The following HDAC4 variants were observed in gnomAD, a reference collection of about 807,000 sequenced individuals.
HDAC4 encodes histone deacetylase 4, also known as histone deacetylase A.
In HDAC4, 16 loss-of-function variants were observed where a neutral mutation model predicts 135.1. That is an observed-to-expected ratio of 0.12 (90% CI 0.08 to 0.18). The LOEUF (loss-of-function observed/expected upper bound fraction) is 0.18. Ranked by LOEUF, HDAC4 falls within the 10% of genes least tolerant of loss-of-function variation. The pLI is 1.00. For missense variants in HDAC4, 1,143 were observed against 1,511.8 expected, an observed-to-expected ratio of 0.76 and a Z score of 4.05; for synonymous variants, 685 against 653.4, an observed-to-expected ratio of 1.05 and a Z score of -0.74.
intron 2 of HDAC4, among the ~76,000 whole-genome samples, chr2:239,329,503 C>T (rs370409010): frequency 1.3e-5 from 2 of 151,432 alleles, no homozygotes; most frequent in Non-Finnish European, 2.9e-5. Flanking sequence ...CCCCTCCTCC[C>T]ACCGGGACAC....
At chr2:239,100,431 T>C (rs949815526) in intron 16 of HDAC4, among the ~76,000 whole-genome samples, 1 of 152,254 alleles carries the variant, frequency 6.6e-6, no homozygotes, top group Non-Finnish European at 1.5e-5. Flanking sequence ...GCTTTCCCCT[T>C]TTCCACTGAA....
chr2:239,317,605 G>T (rs183118970), intron 2 of HDAC4, among the ~76,000 whole-genome samples: 3 of 152,282 alleles, frequency 2.0e-5, no homozygotes, highest in East Asian at 3.9e-4. Context: ...ATAATAAAAG[G>T]TTATAACCCA....
chr2:239,124,673 GGC>G (rs2039998065), intron 12 of HDAC4, among the ~76,000 whole-genome samples: 1 of 38,694 alleles, frequency 2.6e-5, no homozygotes, highest in Non-Finnish European at 5.7e-5. Context: ...CCGGTGTGCC[GGC>G]GTGTGGCCGC....
chr2:239,096,135 A>C (rs2037005233), intron 16 of HDAC4, among the ~76,000 whole-genome samples: 1 of 152,130 alleles, frequency 6.6e-6, no homozygotes, highest in African/African-American at 2.4e-5. Flanking sequence ...GGAGTTGGCC[A>C]TAGGTCCATT....
In HDAC4 at chr2:239,317,416, G is replaced by A. The variant is rs541225051; in HGVS notation, c.22+35262C>T. Among the ~76,000 whole-genome samples the A allele has an allele frequency of 1.1e-4, 16 of 151,882 alleles. No individual in the cohort carries two copies. The South Asian group carries it at 2.9e-3, about 28-fold the overall frequency. On this transcript the variant is annotated intron_variant, in intron 2 of 26. Transcript: ENST00000543185. Reference sequence around the variant, plus strand: ...CATTCCCCGAGAAAGGAACCAGGCCGCCTTGAGAAAAAGCTGATTCCAGGC... The same window carrying A: ...CATTCCCCGAGAAAGGAACCAGGCCACCTTGAGAAAAAGCTGATTCCAGGC...
At chr2:239,143,286 A>G (rs2041529724) in intron 8 of HDAC4, among the ~76,000 whole-genome samples, 1 of 152,122 alleles carries the variant, frequency 6.6e-6, no homozygotes, top group African/African-American at 2.4e-5. Context: ...AAAAAACGCA[A>G]AGGTTCACGT....
intron 2 of HDAC4, among the ~76,000 whole-genome samples, chr2:239,267,073 G>A (rs892522227): frequency 2.6e-5 from 4 of 151,886 alleles, no homozygotes; most frequent in Admixed American, 2.6e-4. Context: ...CATGGTCTCC[G>A]CGGCAGCTGT....
chr2:239,071,337 C>T (rs1324402214), intron 22 of HDAC4, among the ~76,000 whole-genome samples: 1 of 152,134 alleles, frequency 6.6e-6, no homozygotes, highest in Non-Finnish European at 1.5e-5. Context: ...ATCGCTTGAA[C>T]CCAGGAGGCA....
intron 2 of HDAC4, among the ~76,000 whole-genome samples, chr2:239,305,872 C>T (rs1374085533): frequency 1.3e-5 from 2 of 152,220 alleles, no homozygotes; most frequent in Admixed American, 6.5e-5. Context: ...CGACTGGGAA[C>T]GAGGCTGCCG....
intron 2 of HDAC4, among the ~76,000 whole-genome samples, chr2:239,255,295 C>CTGTGTGTGTGTGTGTGTG (rs60768204): frequency 1.3e-5 from 2 of 149,594 alleles, no homozygotes; most frequent in African/African-American, 4.9e-5. Context: ...TGTTTTCTCA[C>CTGTGTGTGTGTGTGTGTG]TGTGTGTGTG....
intron 1 of HDAC4, among the ~76,000 whole-genome samples, chr2:239,380,528 GC>G (rs1398169298): frequency 6.6e-6 from 1 of 152,074 alleles, no homozygotes; most frequent in Non-Finnish European, 1.5e-5. Context: ...AGAACCACCT[GC>G]CTTTAAAAAC....
chr2:239,328,721 C>G (rs1691332027), intron 2 of HDAC4, among the ~76,000 whole-genome samples: 1 of 152,210 alleles, frequency 6.6e-6, no homozygotes, highest in South Asian at 2.1e-4. Context: ...GAGAAAAGGA[C>G]TTTGTCGGGT....
Position 239,244,638 on chromosome 2 carries a change from G to T in HDAC4, c.23-7974C>A, listed in dbSNP as rs56233693. On this transcript the variant is annotated intron_variant, in intron 2 of 26. Coordinates refer to ENST00000543185, the MANE Select transcript of HDAC4 (RefSeq NM_001378414.1). ...AAATGTCATGGCTTGGAAACAAAATGATCTACAAGGTCAGCCAAATACTCA... is the reference window on the plus strand; with the variant it reads ...AAATGTCATGGCTTGGAAACAAAATTATCTACAAGGTCAGCCAAATACTCA... Among the ~76,000 whole-genome samples the T allele has an allele frequency of 8.5e-3, 1,295 of 152,284 alleles. 11 individuals are homozygous for T. Among genetic ancestry groups the T allele is most frequent in the Non-Finnish European group, 0.013 (908 of 68,016 alleles).
intron 6 of HDAC4, 45 bp from the exon 7 acceptor site, chr2:239,156,818 T>G: frequency 6.2e-7 from 1 of 1,613,118 alleles, no homozygotes; most frequent in Non-Finnish European, 8.5e-7. Context: ...CCCAGCGCAC[T>G]GCCCCAGGCA....
chr2:239,076,559 G>A (rs1169029141), intron 22 of HDAC4, among the ~76,000 whole-genome samples: 1 of 152,064 alleles, frequency 6.6e-6, no homozygotes, highest in Non-Finnish European at 1.5e-5. Context: ...AGAGCAAACC[G>A]AGCTTATGGG....
intron 3 of HDAC4, among the ~76,000 whole-genome samples, chr2:239,228,588 A>C (rs896517053): frequency 2.6e-5 from 4 of 152,194 alleles, no homozygotes; most frequent in Non-Finnish European, 5.9e-5. Context: ...GGTGGCAAAA[A>C]GCAAACAGCA....
At chr2:239,158,206 C>T (rs1181523195) in intron 6 of HDAC4, among the ~76,000 whole-genome samples, 1 of 152,156 alleles carries the variant, frequency 6.6e-6, no homozygotes, top group Non-Finnish European at 1.5e-5. Flanking sequence ...CTTTCTCTAC[C>T]AAATAGTATT....
At position 239,141,798 on chromosome 2, in the gene HDAC4, AATT is replaced by A. The variant is rs1278099255; in HGVS notation, c.866-2005_866-2003del. On this transcript the variant is annotated intron_variant, in intron 8 of 26. Transcript: ENST00000543185. The surrounding 1 kb of genome is among the most constrained non-coding windows in gnomAD (Gnocchi z 4.9). ...CCGGACAACTTTTTGGGGCGGTAAA[AATT>A]ATATGTGTAACTTTCCACCCACTTT... is the stretch of plus-strand genomic sequence containing the variant. Among the ~76,000 whole-genome samples the A allele has an allele frequency of 6.6e-6, 1 of 152,112 alleles. No individual in the cohort carries two copies. Among genetic ancestry groups the A allele is most frequent in the Non-Finnish European group, 1.5e-5 (1 of 68,012 alleles).
At position 239,146,940 on chromosome 2, in the gene HDAC4, C is replaced by T. The variant is rs530742805; in HGVS notation, c.734-2226G>A. On this transcript the variant is annotated intron_variant, in intron 7 of 26. Coordinates refer to ENST00000543185, the MANE Select transcript of HDAC4 (RefSeq NM_001378414.1). The surrounding 1 kb of genome is among the most constrained non-coding windows in gnomAD (Gnocchi z 4.5). ...TTCTAGCCGACTGCACGTCCCTGGTCGACTCTGCCTGCAGGGTGGCTGCAG... is the reference window on the plus strand; with the variant it reads ...TTCTAGCCGACTGCACGTCCCTGGTTGACTCTGCCTGCAGGGTGGCTGCAG... 5.9e-5 allele frequency among the ~76,000 whole-genome samples: 9 copies of T among 152,310 alleles called. No homozygotes were observed. The highest frequency in any genetic ancestry group is 1.7e-4 in the African/African-American group (7 of 41,578).
Sources: allele counts gnomAD v4.1 joint callset (sites outside exome capture counted in the v4.1 genomes callset), GRCh38; gene constraint gnomAD v4.1.1; non-coding constraint Gnocchi (gnomAD v3.1); transcripts MANE v1.5; gene names NCBI Gene and HGNC (gene_info 2026-07-23, HGNC 2026-07-21).